SLC8B1: variants seen among roughly 807,000 people sequenced by gnomAD.
SLC8B1 encodes mitochondrial sodium/calcium exchanger protein.
Under a neutral mutation model 63.4 loss-of-function variants are expected in SLC8B1, and 52 were observed. The observed-to-expected ratio is 0.82, with a 90% confidence interval of 0.66 to 1.03. The LOEUF (loss-of-function observed/expected upper bound fraction) is 1.03, where lower values mean the gene tolerates loss of function less well. Among genes scored for constraint, SLC8B1 ranks in the 50% least tolerant of loss-of-function variants. The pLI is 0.00. For missense variants in SLC8B1, 657 were observed against 741.7 expected (o/e 0.89, Z 1.33); for synonymous variants, 336 against 323.9 (o/e 1.04, Z -0.40).
In SLC8B1 at chr12:113,320,760, T is replaced by C. The variant is rs900307808; in HGVS notation, c.421-74A>G. The C allele has an allele frequency of 1.9e-6, 3 of 1,578,380 alleles. No homozygotes were observed. Among genetic ancestry groups the C allele is most frequent in the Non-Finnish European group, 2.6e-6 (3 of 1,161,252 alleles). On this transcript the variant is annotated intron_variant, in intron 5 of 15. Coordinates refer to ENST00000680972, the MANE Select transcript of SLC8B1 (RefSeq NM_001358345.2). The surrounding 1 kb of genome is among the most constrained non-coding windows in gnomAD (Gnocchi z 5.3). ...CAGGCCTTCGACCCTATCCCCCAGC[T>C]TCCCCACACGGGGATAGACATGACC... is the stretch of plus-strand genomic sequence containing the variant.
intron 11 of SLC8B1, among the ~76,000 whole-genome samples, chr12:113,311,697 ATTTT>A (rs58060872): frequency 7.4e-4 from 71 of 95,356 alleles, no homozygotes; most frequent in Middle Eastern, 5.8e-3. Context: ...GTCAAGGGGG[ATTTT>A]TTTTTTTTTT....
rs1259099590 is a variant in SLC8B1 at position 113,305,558 on chromosome 12, T to C, written c.1492+937A>G. Reference sequence around the variant, plus strand: ...GCTCTTTCTCTTCATAGCCCCAGGCTGGCTATATCCGTCTTTTCTATATAG... The same window carrying C: ...GCTCTTTCTCTTCATAGCCCCAGGCCGGCTATATCCGTCTTTTCTATATAG... On this transcript the variant is annotated intron_variant, in intron 14 of 15. Coordinates refer to ENST00000680972, the MANE Select transcript of SLC8B1 (RefSeq NM_001358345.2). The surrounding 1 kb of genome is among the most constrained non-coding windows in gnomAD (Gnocchi z 4.3). Among the ~76,000 whole-genome samples the C allele has an allele frequency of 6.6e-6, 1 of 152,274 alleles. No individual in the cohort carries two copies. Among genetic ancestry groups the C allele is most frequent in the East Asian group, 1.9e-4 (1 of 5,204 alleles).
chr12:113,312,780 T>C (rs1479413042), intron 11 of SLC8B1, among the ~76,000 whole-genome samples: 1 of 152,250 alleles, frequency 6.6e-6, no homozygotes, highest in African/African-American at 2.4e-5. Context: ...TATCATTGTA[T>C]CAAGGAGAAA....
intron 15 of SLC8B1, 38 bp from the exon 16 acceptor site, chr12:113,300,012 C>A (rs773524013): frequency 1.9e-6 from 3 of 1,590,092 alleles, no homozygotes; most frequent in South Asian, 2.2e-5. Flanking sequence ...GAGTCACTGC[C>A]CGTCACAGGC....
intron 2 of SLC8B1, among the ~76,000 whole-genome samples, chr12:113,328,564 C>G (rs1159688239): frequency 6.6e-6 from 1 of 152,148 alleles, no homozygotes. Context: ...CTGTCAGGTC[C>G]TGGAATGCCC....
intron 2 of SLC8B1, among the ~76,000 whole-genome samples, chr12:113,325,359 T>A (rs1956983821): frequency 6.6e-6 from 1 of 152,210 alleles, no homozygotes; most frequent in Non-Finnish European, 1.5e-5. Flanking sequence ...GCGCATGTGA[T>A]CCTCCTGCCT....
At chr12:113,316,501 G>A (rs768602112) in intron 10 of SLC8B1, 25 bp downstream of exon 10, 2 of 1,610,028 alleles carry the variant, frequency 1.2e-6, no homozygotes, top group Admixed American at 1.7e-5. Flanking sequence ...AGAAGGCTGT[G>A]AGCCTGGCTC....
intron 11 of SLC8B1, among the ~76,000 whole-genome samples, chr12:113,313,126 G>A (rs1332525129): frequency 2.0e-5 from 3 of 151,986 alleles, no homozygotes; most frequent in Non-Finnish European, 2.9e-5. Context: ...GGCTGATCTC[G>A]AACTCCTGAC....
intron 2 of SLC8B1, among the ~76,000 whole-genome samples, chr12:113,326,887 G>T (rs1483407527): frequency 1.4e-4 from 21 of 152,146 alleles, no homozygotes; most frequent in Admixed American, 1.4e-3. Context: ...AGGCTGGAGT[G>T]ATGGTGTGCA....
At chr12:113,325,798 T>C (rs1240133285) in intron 2 of SLC8B1, among the ~76,000 whole-genome samples, 1 of 151,670 alleles carries the variant, frequency 6.6e-6, no homozygotes, top group African/African-American at 2.4e-5. Context: ...CTCCTGACCT[T>C]GTGATCCACC....
chr12:113,329,797 A>G (rs1207556453), intron 2 of SLC8B1, among the ~76,000 whole-genome samples: 1 of 152,178 alleles, frequency 6.6e-6, no homozygotes, highest in African/African-American at 2.4e-5. Flanking sequence ...AACTTACATC[A>G]GATCACATCC....
chr12:113,313,423 A>G (rs1349630778), intron 11 of SLC8B1, among the ~76,000 whole-genome samples: 1 of 152,034 alleles, frequency 6.6e-6, no homozygotes, highest in Non-Finnish European at 1.5e-5. Flanking sequence ...AGCCTGGACA[A>G]TACAACGAGC....
chr12:113,306,464 G>A (rs1384139226), intron 14 of SLC8B1, 31 bp downstream of exon 14: 1 of 1,573,824 alleles, frequency 6.4e-7, no homozygotes, highest in Non-Finnish European at 8.7e-7. Context: ...TGACACCAGT[G>A]CTAAGGCCAA....
rs1166352379 is a variant in SLC8B1 at position 113,320,853 on chromosome 12, C to T, written c.417G>A (p.Val139=). The T allele has an allele frequency of 6.2e-7, 1 of 1,603,552 alleles. No homozygotes were observed. The highest frequency in any genetic ancestry group is 1.3e-5 in the African/African-American group (1 of 74,878). Residue 139 remains valine (V), a synonymous_variant, in exon 5 of 16, where the codon GTG becomes GTA. Coordinates refer to ENST00000680972, the MANE Select transcript of SLC8B1 (RefSeq NM_001358345.2). This position sits in a 1 kb window ranked among gnomAD's most constrained non-coding sequence, Gnocchi z 5.3. The part of the protein sequence containing the change: ...ISTTLKLSHN[V]AGVTFLAFGN... ...AGGACACTGGACAAAAGGATACTGC[C>T]ACGTTGTGGGAGAGCTTCAGTGTGG...
At chr12:113,330,573 C>A (rs1002948449) in intron 2 of SLC8B1, among the ~76,000 whole-genome samples, 1 of 152,230 alleles carries the variant, frequency 6.6e-6, no homozygotes, top group African/African-American at 2.4e-5. Flanking sequence ...TGCTCAATAA[C>A]TTGGAGAGAT....
Position 113,304,393 on chromosome 12 carries a change from C to G in SLC8B1, c.1493-8G>C. The G allele has an allele frequency of 6.2e-7, 1 of 1,613,718 alleles. No individual in the cohort carries two copies. ...CCACACCCACGAGGATGTCTGCAGC[C>G]CAGCTCAGGAAGCTTTGCTGGAATG... On this transcript the variant is annotated splice_polypyrimidine_tract_variant and splice_region_variant and intron_variant, in intron 14 of 15. Transcript: ENST00000680972.
chr12:113,310,455 G>A, intron 11 of SLC8B1, 100 bp from the exon 12 acceptor site: 1 of 1,490,418 alleles, frequency 6.7e-7, no homozygotes, highest in South Asian at 1.3e-5. Context: ...TATCTGCCCA[G>A]CCCTGTCCTA....
chr12:113,307,708 C>G lies in SLC8B1; in HGVS notation c.1394G>C (p.Trp465Ser), dbSNP rs753256250. 6.2e-6 allele frequency: 10 copies of G among 1,613,812 alleles called. No homozygotes were observed. The highest frequency in any genetic ancestry group is 3.3e-5 in the Admixed American group (2 of 59,976). The change falls in exon 13 of 16, where the codon TGG (tryptophan) becomes TCG (serine). Residue 465 changes from tryptophan to serine, a missense_variant. Physicochemically the swap from Trp to Ser is radical, Grantham distance 177. Coordinates refer to ENST00000680972, the MANE Select transcript of SLC8B1 (RefSeq NM_001358345.2). ...NTVLGLTLLA[W>S]GNSIGDAFSD... ...TGAGTCACCTCCAATGCTGTTCCCC[C>G]AGGCCAGCAGCGTGAGCCCCAGCAC... is the stretch of plus-strand genomic sequence containing the variant.
At chr12:113,301,726 T>C (rs957787692) in intron 15 of SLC8B1, among the ~76,000 whole-genome samples, 1 of 152,204 alleles carries the variant, frequency 6.6e-6, no homozygotes, top group African/African-American at 2.4e-5. Context: ...TAACAGGCAC[T>C]GTCGTCTTTG....
Sources: gnomAD v4.1 joint callset for allele counts (sites outside exome capture counted in the v4.1 genomes callset) on GRCh38, gnomAD v4.1.1 for gene constraint, Gnocchi (gnomAD v3.1) non-coding constraint, MANE v1.5 for transcripts, NCBI Gene and HGNC (gene_info 2026-07-23, HGNC 2026-07-21) for gene names.